FBXO30: variants seen among roughly 807,000 people sequenced by gnomAD.
The protein encoded by FBXO30 is F-box only protein 30.
Under a neutral mutation model 58.1 loss-of-function variants are expected in FBXO30, and 21 were observed. That is an observed-to-expected ratio of 0.36 (90% CI 0.26 to 0.52). FBXO30 has a LOEUF of 0.52. Among genes scored for constraint, FBXO30 ranks in the 20% least tolerant of loss-of-function variants. The probability of loss-of-function intolerance (pLI) is 0.93; values close to 1 mark genes in which losing one functional copy is unlikely to be tolerated. For missense variants in FBXO30, 744 were observed against 897.3 expected (o/e 0.83, Z 2.18); for synonymous variants, 309 against 312.4 (o/e 0.99, Z 0.11).
Position 145,810,762 on chromosome 6 carries a change from T to G in FBXO30, c.-17+3841A>C, listed in dbSNP as rs530439815. Among the ~76,000 whole-genome samples the G allele has an allele frequency of 5.9e-5, 9 of 152,192 alleles. No individual in the cohort carries two copies. In the South Asian group the frequency reaches 1.2e-3, roughly 21 times the overall value. On this transcript the variant is annotated intron_variant, in intron 1 of 2. Transcript: ENST00000237281. ...TCATTAAAATACATAAGGAGGTAAG[T>G]AAATATAAAGAAGTGCAAATTAGCA...
At position 145,797,144 on chromosome 6, in the gene FBXO30, G is replaced by A. The variant is rs952850182; in HGVS notation, c.*2962C>T. 2 of 151,884 alleles carry A rather than the reference G, an allele frequency of 1.3e-5. No individual in the cohort carries two copies. The highest frequency in any genetic ancestry group is 2.4e-5 in the African/African-American group (1 of 41,362). The allele number at this position is 151,884 out of a possible 1,614,324, so 9.4% of individuals were successfully genotyped here. A position where few individuals can be genotyped will look rare whatever the true frequency, so the allele number is the denominator to read the frequency against. On this transcript the variant is annotated 3_prime_UTR_variant, in exon 3 of 3. Coordinates refer to ENST00000237281, the MANE Select transcript of FBXO30 (RefSeq NM_032145.5). The stretch of plus-strand genomic sequence containing the variant: ...AGAGAATGAGATGACTAGGCTAAAT[G>A]TTACTGCTAATGAACTAAAATTTGC...
rs1212611137 is a variant in FBXO30, at chr6:145,804,720, A to G, written c.1686T>C (p.Cys562=). 6.2e-7 allele frequency: 1 copy of G among 1,613,842 alleles called. No individual in the cohort carries two copies. Among genetic ancestry groups the G allele is most frequent in the African/African-American group, 1.3e-5 (1 of 74,916 alleles). ...GACAAAATCTACGCTGAGAATAGGT[A>G]CAACCATAGTAAGCTAAAGGGCACC... The part of the protein sequence containing the change: ...EQRCPLAYYG[C]TYSQRRFCPS... Residue 562 remains cysteine, a synonymous_variant, in exon 2 of 3, where the codon TGT becomes TGC. Transcript: ENST00000237281.
In FBXO30 at chr6:145,796,975, T is replaced by C. The variant is rs1399217900; in HGVS notation, c.*3131A>G. ...TTCTATACTACTTGTAAACAAGAGATCCAATCTTTCATAACATCTTATTGA... is the reference window on the plus strand; with the variant it reads ...TTCTATACTACTTGTAAACAAGAGACCCAATCTTTCATAACATCTTATTGA... On this transcript the variant is annotated 3_prime_UTR_variant, in exon 3 of 3. Coordinates refer to ENST00000237281, the MANE Select transcript of FBXO30 (RefSeq NM_032145.5). The C allele has an allele frequency of 3.3e-5, 5 of 151,958 alleles. No homozygotes were observed. The highest frequency in any genetic ancestry group is 7.4e-5 in the Non-Finnish European group (5 of 67,880). The allele number at this position is 151,958 out of a possible 1,614,324, so 9.4% of individuals were successfully genotyped here.
intron 1 of FBXO30, among the ~76,000 whole-genome samples, chr6:145,807,909 T>C (rs1471743350): frequency 8.6e-5 from 13 of 151,872 alleles, no homozygotes; most frequent in Non-Finnish European, 1.5e-5. Context: ...AGGAGGGTCA[T>C]TTGAGGCCTG....
intron 2 of FBXO30, among the ~76,000 whole-genome samples, chr6:145,801,389 TTGTGTGTGTGTGTGTGTATGTGTGCG>T (rs1777992284): frequency 6.6e-6 from 1 of 150,716 alleles, no homozygotes; most frequent in Non-Finnish European, 1.5e-5. Context: ...TTATGAGATT[TTGTGTGTGTGTGTGTGTATGTGTGCG>T]TGTGTGTGTG....
intron 1 of FBXO30, among the ~76,000 whole-genome samples, chr6:145,806,844 T>C (rs1778187546): frequency 6.6e-6 from 1 of 152,244 alleles, no homozygotes; most frequent in Non-Finnish European, 1.5e-5. Context: ...TTCAGAGATC[T>C]TGTATTACTA....
chr6:145,805,617 T>C lies in FBXO30; in HGVS notation c.789A>G (p.Gln263=), dbSNP rs745715831. 1.5e-5 allele frequency: 24 copies of C among 1,613,972 alleles called. No individual in the cohort carries two copies. Among genetic ancestry groups the C allele is most frequent in the African/African-American group, 2.7e-5 (2 of 74,944 alleles). ...NDTNQNAQSE[Q]NGSSDLLCDL... ...CACATAATAAATCACTTGAACCATT[T>C]TGTTCAGACTGGGCATTCTGATTTG... Residue 263 remains glutamine, a synonymous_variant, in exon 2 of 3, where the codon CAA becomes CAG. Coordinates refer to ENST00000237281, the MANE Select transcript of FBXO30 (RefSeq NM_032145.5).
chr6:145,800,166 C>T lies in FBXO30; in HGVS notation c.2178G>A (p.Val726=). The part of the protein sequence containing the change: ...EEAIPLPCMC[V]TRELTKEGRS... ...GTCCTTCTTTAGTGAGTTCTCGTGT[C>T]ACACACATACATGGCAAAGGGATTG... The change falls in exon 3 of 3, where the codon GTG becomes GTA. Residue 726 remains valine, a synonymous_variant. Transcript: ENST00000237281. The T allele has an allele frequency of 6.2e-7, 1 of 1,613,110 alleles. No homozygotes were observed.
chr6:145,807,836 A>G (rs1251344619), intron 1 of FBXO30, among the ~76,000 whole-genome samples: 1 of 152,198 alleles, frequency 6.6e-6, no homozygotes, highest in Non-Finnish European at 1.5e-5. Context: ...TTAACCTTTA[A>G]AAACTAAAAT....
In FBXO30 at chr6:145,798,705, C is replaced by T. The variant is rs1245565077; in HGVS notation, c.*1401G>A. 6.6e-6 allele frequency: 1 copy of T among 152,264 alleles called. No homozygotes were observed. Among genetic ancestry groups the T allele is most frequent in the Non-Finnish European group, 1.5e-5 (1 of 67,960 alleles). The allele number at this position is 152,264 out of a possible 1,614,324, so 9.4% of individuals were successfully genotyped here. On this transcript the variant is annotated 3_prime_UTR_variant, in exon 3 of 3. Coordinates refer to ENST00000237281, the MANE Select transcript of FBXO30 (RefSeq NM_032145.5). ...AAAACAAATCTTAAGCTTCAGAACT[C>T]TCTAATGCTTAAGGAACGCCTCTGC...
At chr6:145,810,280 T>C (rs1250200114) in intron 1 of FBXO30, among the ~76,000 whole-genome samples, 2 of 152,176 alleles carry the variant, frequency 1.3e-5, no homozygotes, top group South Asian at 2.1e-4. Context: ...CTCAAGAGTA[T>C]TCTGGGAATA....
chr6:145,806,457 C>T (rs756141705), intron 1 of FBXO30, 36 bp from the exon 2 acceptor site: 5 of 1,511,972 alleles, frequency 3.3e-6, no homozygotes, highest in Non-Finnish European at 4.5e-6. Flanking sequence ...AGAAATTAGC[C>T]AAAAAATGGT....
Position 145,798,990 on chromosome 6 carries a change from C to T in FBXO30, c.*1116G>A, listed in dbSNP as rs1777921065. 6.6e-6 allele frequency: 1 copy of T among 151,546 alleles called. No homozygotes were observed. Among genetic ancestry groups the T allele is most frequent in the South Asian group, 2.1e-4 (1 of 4,804 alleles). 9.4% of individuals were successfully genotyped at this position (151,546 alleles called of 1,614,324 possible). On this transcript the variant is annotated 3_prime_UTR_variant, in exon 3 of 3. Transcript: ENST00000237281. ...ATAATGGTATAAATCAATTTGAAAA[C>T]TATAATAAACTACTTCAAGAATAGG... is the stretch of plus-strand genomic sequence containing the variant.
At position 145,800,063 on chromosome 6, in the gene FBXO30, T is replaced by A; in HGVS notation, c.*43A>T. The A allele has an allele frequency of 7.0e-7, 1 of 1,420,182 alleles. No individual in the cohort carries two copies. Among genetic ancestry groups the A allele is most frequent in the Non-Finnish European group, 9.8e-7 (1 of 1,015,602 alleles). 88.0% of individuals were successfully genotyped at this position (1,420,182 alleles called of 1,614,324 possible). ...AAAGTTTCACATATTACAAAGAAAT[T>A]ATACTAGGTGCTTGCATATATGTGC... On this transcript the variant is annotated 3_prime_UTR_variant, in exon 3 of 3. Coordinates refer to ENST00000237281, the MANE Select transcript of FBXO30 (RefSeq NM_032145.5).
rs1272425242 is a variant in FBXO30 at position 145,805,613 on chromosome 6, C to A, written c.793G>T (p.Gly265Cys). The A allele has an allele frequency of 1.2e-6, 2 of 1,613,970 alleles. No individual in the cohort carries two copies. Among genetic ancestry groups the A allele is most frequent in the African/African-American group, 2.7e-5 (2 of 75,032 alleles). Residue 265 changes from glycine to cysteine, a missense_variant, in exon 2 of 3, where the codon GGT becomes TGT. Physicochemically the swap from Gly to Cys is radical, Grantham distance 159. Coordinates refer to ENST00000237281, the MANE Select transcript of FBXO30 (RefSeq NM_032145.5). ...AAGTCACATAATAAATCACTTGAAC[C>A]ATTTTGTTCAGACTGGGCATTCTGA... is the stretch of plus-strand genomic sequence containing the variant. Reference protein sequence around the residue: ...TNQNAQSEQNGSSDLLCDLNT... With the variant: ...TNQNAQSEQNCSSDLLCDLNT...
rs540381034 is a variant in FBXO30 at position 145,811,463 on chromosome 6, T to C, written c.-17+3140A>G. On this transcript the variant is annotated intron_variant, in intron 1 of 2. Transcript: ENST00000237281. ...GAAAGTCAGTTTCAACCTTCCACTG[T>C]TTTAAAATCTTAAATAGTAATATGA... Among the ~76,000 whole-genome samples the C allele has an allele frequency of 5.3e-5, 8 of 152,322 alleles. No individual in the cohort carries two copies. In the South Asian group the frequency reaches 1.7e-3, roughly 32 times the overall value.
chr6:145,803,881 A>G (rs922360532), intron 2 of FBXO30, among the ~76,000 whole-genome samples: 1 of 152,152 alleles, frequency 6.6e-6, no homozygotes, highest in African/African-American at 2.4e-5. Flanking sequence ...GGTCACTTTA[A>G]TATATGACCA....
intron 2 of FBXO30, among the ~76,000 whole-genome samples, chr6:145,802,682 G>A (rs7744014): frequency 0.46 from 70,518 of 151,868 alleles, 16,913 homozygotes; most frequent in African/African-American, 0.57. Flanking sequence ...AAGAAAATAT[G>A]TATCACATTA....
At position 145,805,508 on chromosome 6, in the gene FBXO30, T is replaced by G; in HGVS notation, c.898A>C (p.Asn300His). Residue 300 changes from asparagine to histidine, a missense_variant, in exon 2 of 3, where the codon AAT (asparagine) becomes CAT (histidine). This residue lies in a region of FBXO30 where 275 missense variants were observed against 262.0 expected (regional missense o/e 1.05). Coordinates refer to ENST00000237281, the MANE Select transcript of FBXO30 (RefSeq NM_032145.5). The part of the protein sequence containing the change: ...ENICTQVIDQ[N>H]QNLHGDSKQS... ...TTTGAATCACCATGTAAATTCTGAT[T>G]CTGGTCTATGACCTGGGTACATATA... 1 of 1,605,330 alleles carries G rather than the reference T, an allele frequency of 6.2e-7. No homozygotes were observed. The highest frequency in any genetic ancestry group is 8.5e-7 in the Non-Finnish European group (1 of 1,175,462).
Sources: gnomAD v4.1 joint callset for allele counts (sites outside exome capture counted in the v4.1 genomes callset) on GRCh38, gnomAD v4.1.1 for gene constraint, gnomAD v4.1.1 regional missense constraint, MANE v1.5 for transcripts, NCBI Gene and HGNC (gene_info 2026-07-23, HGNC 2026-07-21) for gene names.